The following STAG1 variants were observed in gnomAD, a reference collection of about 807,000 sequenced individuals.
STAG1 encodes cohesin subunit SA-1.
Under a neutral mutation model 170.9 loss-of-function variants are expected in STAG1, and 26 were observed. That is an observed-to-expected ratio of 0.15 (90% confidence interval 0.11 to 0.21). STAG1 has a LOEUF of 0.21. Ranked by LOEUF, STAG1 falls within the 10% of genes least tolerant of loss-of-function variation. STAG1 has a pLI of 1.00. For synonymous variants in STAG1, 514 were observed against 497.7 expected, an observed-to-expected ratio of 1.03 and a Z score of -0.44; for missense variants, 964 against 1,509.5, an observed-to-expected ratio of 0.64 and a Z score of 5.99.
chr3:136,626,205 A>C (rs1940084966), intron 2 of STAG1, among the ~76,000 whole-genome samples: 2 of 152,220 alleles, frequency 1.3e-5, no homozygotes, highest in Admixed American at 6.5e-5. Flanking sequence ...AGGCCAGCAG[A>C]TCATGAGGTC....
chr3:136,391,239 TA>T (rs2087000842), intron 22 of STAG1, among the ~76,000 whole-genome samples: 1 of 151,802 alleles, frequency 6.6e-6, no homozygotes, highest in South Asian at 2.1e-4. Context: ...ACATGCAGGG[TA>T]AGGCAGAGAG....
intron 15 of STAG1, among the ~76,000 whole-genome samples, chr3:136,438,287 T>C (rs2107754283): frequency 1.4e-5 from 2 of 145,690 alleles, no homozygotes; most frequent in African/African-American, 4.9e-5. Flanking sequence ...TTGCCCAGAC[T>C]GGAGTGCAGT....
chr3:136,452,416 T>C (rs1052324887), intron 13 of STAG1, among the ~76,000 whole-genome samples: 1 of 151,686 alleles, frequency 6.6e-6, no homozygotes, highest in South Asian at 2.1e-4. Flanking sequence ...TACAAAAAAT[T>C]AGCCGGGCAT....
At chr3:136,504,478 T>C (rs1037589612) in intron 7 of STAG1, among the ~76,000 whole-genome samples, 4 of 152,230 alleles carry the variant, frequency 2.6e-5, no homozygotes, top group Admixed American at 6.5e-5. Context: ...TTGAGTTTTG[T>C]GTGTTGCCAG....
At chr3:136,355,494 A>G (rs371337203) in intron 28 of STAG1, among the ~76,000 whole-genome samples, 1 of 152,120 alleles carries the variant, frequency 6.6e-6, no homozygotes. Context: ...CCCACTTTCA[A>G]TAATGAATAG....
In STAG1 at chr3:136,382,630, C is replaced by T. The variant is rs531960731; in HGVS notation, c.2278-4878G>A. Among the ~76,000 whole-genome samples, 14 of 151,916 alleles carry T rather than the reference C, an allele frequency of 9.2e-5. No homozygotes were observed. The South Asian group carries it at 2.7e-3, about 29-fold the overall frequency. ...TTCGCCATGTTGACCAGGCTGGTCT[C>T]GAACTCCTGACCTTAGGTGATCTAC... On this transcript the variant is annotated intron_variant, in intron 22 of 33. Coordinates refer to ENST00000383202, the MANE Select transcript of STAG1 (RefSeq NM_005862.3).
At chr3:136,572,998 A>C (rs1260024468) in intron 4 of STAG1, among the ~76,000 whole-genome samples, 1 of 152,136 alleles carries the variant, frequency 6.6e-6, no homozygotes, top group Non-Finnish European at 1.5e-5. Flanking sequence ...CAACACAGTG[A>C]TACCCTCACT....
chr3:136,344,790 T>A (rs1320250737), intron 29 of STAG1, among the ~76,000 whole-genome samples: 1 of 151,954 alleles, frequency 6.6e-6, no homozygotes, highest in Non-Finnish European at 1.5e-5. Flanking sequence ...ATTTTTATAT[T>A]TTTAGGAGAG....
rs117825541 is a variant in STAG1, at chr3:136,735,472, T to C, written c.-84+16723A>G. The stretch of plus-strand genomic sequence containing the variant: ...CCTTTTTTGACGCAGGGTCTCATTT[T>C]GTTGCCCAGGCTAGAGTGCACTGGC... On this transcript the variant is annotated intron_variant, in intron 1 of 33. Coordinates refer to ENST00000383202, the MANE Select transcript of STAG1 (RefSeq NM_005862.3). Among the ~76,000 whole-genome samples, 48 of 152,004 alleles carry C rather than the reference T, an allele frequency of 3.2e-4. No individual in the cohort carries two copies. The East Asian group carries it at 6.0e-3, about 19-fold the overall frequency.
chr3:136,407,502 C>T (rs1251051282), intron 21 of STAG1, among the ~76,000 whole-genome samples: 1 of 152,032 alleles, frequency 6.6e-6, no homozygotes, highest in East Asian at 1.9e-4. Context: ...CACTCTGTGA[C>T]CCAGACTGGA....
chr3:136,655,200 C>T (rs916928676), intron 1 of STAG1, among the ~76,000 whole-genome samples: 2 of 152,118 alleles, frequency 1.3e-5, no homozygotes, highest in East Asian at 1.9e-4. Context: ...AAAAAGTCAA[C>T]CCACAGAACA....
intron 27 of STAG1, among the ~76,000 whole-genome samples, chr3:136,358,549 T>C (rs1246832612): frequency 1.3e-5 from 2 of 152,150 alleles, no homozygotes; most frequent in Non-Finnish European, 2.9e-5. Flanking sequence ...CCAAATCAGT[T>C]TTGTATAGTC....
chr3:136,415,309 T>C (rs1380273173), intron 21 of STAG1, among the ~76,000 whole-genome samples: 1 of 83,838 alleles, frequency 1.2e-5, no homozygotes, highest in Non-Finnish European at 2.4e-5. Context: ...GAATTGGTTA[T>C]TATAAAAAAA....
chr3:136,486,590 C>T (rs2090017873), intron 9 of STAG1, among the ~76,000 whole-genome samples: 1 of 152,132 alleles, frequency 6.6e-6, no homozygotes, highest in South Asian at 2.1e-4. Flanking sequence ...TCTATAAAAA[C>T]CAGGCTAAGT....
intron 1 of STAG1, among the ~76,000 whole-genome samples, chr3:136,644,550 A>G (rs975919421): frequency 6.6e-6 from 1 of 152,206 alleles, no homozygotes; most frequent in Non-Finnish European, 1.5e-5. Context: ...AAACTGTTAT[A>G]CTAAGTACAA....
intron 7 of STAG1, among the ~76,000 whole-genome samples, chr3:136,519,757 T>G (rs1286874565): frequency 6.6e-6 from 1 of 152,086 alleles, no homozygotes; most frequent in Non-Finnish European, 1.5e-5. Context: ...TTACAGTAAC[T>G]TTTTAAAAAA....
intron 1 of STAG1, among the ~76,000 whole-genome samples, chr3:136,648,468 G>A (rs1654218250): frequency 6.6e-6 from 1 of 152,180 alleles, no homozygotes; most frequent in African/African-American, 2.4e-5. Flanking sequence ...ACTGCTTCCT[G>A]TAAAAATTTT....
intron 2 of STAG1, among the ~76,000 whole-genome samples, chr3:136,625,997 G>T (rs1243237881): frequency 6.6e-6 from 1 of 151,916 alleles, no homozygotes; most frequent in East Asian, 1.9e-4. Flanking sequence ...ACGTTGCAGT[G>T]AGCAGAGATA....
intron 1 of STAG1, among the ~76,000 whole-genome samples, chr3:136,709,239 G>A (rs968772743): frequency 1.3e-5 from 2 of 151,732 alleles, no homozygotes; most frequent in Non-Finnish European, 1.5e-5. Context: ...GAAGTGAGCC[G>A]AGATCATGCC....
Sources: gnomAD v4.1 joint callset for allele counts (sites outside exome capture counted in the v4.1 genomes callset) on GRCh38, gnomAD v4.1.1 for gene constraint, MANE v1.5 for transcripts, NCBI Gene and HGNC (gene_info 2026-07-23, HGNC 2026-07-21) for gene names.